COMMD1: variants seen among roughly 807,000 people sequenced by gnomAD.
The protein encoded by COMMD1 is COMM domain-containing protein 1.
In COMMD1, 10 loss-of-function variants were observed where a neutral mutation model predicts 17.2. The observed-to-expected ratio is 0.58, with a 90% CI of 0.36 to 0.99. The LOEUF is 0.99. COMMD1 is among the 50% of genes least tolerant of loss of function. COMMD1 has a pLI of 0.01. For synonymous variants in COMMD1, 97 were observed against 91.6 expected (o/e 1.06, Z -0.34); for missense variants, 270 against 231.8 (o/e 1.17, Z -1.07).
At chr2:62,133,549 G>GA (rs547044702) in intron 2 of COMMD1, among the ~76,000 whole-genome samples, 2,051 of 116,252 alleles carry the variant, frequency 0.018, 32 homozygotes, top group African/African-American at 0.055. Flanking sequence ...AAGCTTAACA[G>GA]AAAAAAAAAA....
rs192621083 is a variant in COMMD1 at position 61,959,559 on chromosome 2, G to A, written c.181-41142G>A. Among the ~76,000 whole-genome samples, 18 of 152,270 alleles carry A rather than the reference G, an allele frequency of 1.2e-4. No individual in the cohort carries two copies. In the East Asian group the frequency reaches 3.5e-3, roughly 29 times the overall value. ...TCCCCATTTTACAGATAAGTAAACT[G>A]AGACAGAAAAATTAAGCAACTTTTC... On this transcript the variant is annotated intron_variant, in intron 1 of 2. Coordinates refer to ENST00000311832, the MANE Select transcript of COMMD1 (RefSeq NM_152516.4).
chr2:61,975,756 C>G (rs1043741131), intron 1 of COMMD1, among the ~76,000 whole-genome samples: 5 of 152,080 alleles, frequency 3.3e-5, no homozygotes, highest in Admixed American at 6.6e-5. Context: ...TGTTTAATCT[C>G]CAAGTATTGT....
intron 1 of COMMD1, among the ~76,000 whole-genome samples, chr2:61,943,905 A>G (rs750406841): frequency 2.6e-5 from 4 of 152,176 alleles, no homozygotes; most frequent in Non-Finnish European, 5.9e-5. Flanking sequence ...ATAATTTTTT[A>G]AACTAATTTT....
intron 1 of COMMD1, among the ~76,000 whole-genome samples, chr2:61,940,691 C>CTT (rs557857376): frequency 2.1e-5 from 3 of 143,906 alleles, no homozygotes; most frequent in African/African-American, 2.5e-5. Context: ...GGGATGAATT[C>CTT]TTTTTTTTTT....
At chr2:62,015,203 G>C (rs925710093) in intron 2 of COMMD1, among the ~76,000 whole-genome samples, 1 of 152,046 alleles carries the variant, frequency 6.6e-6, no homozygotes, top group African/African-American at 2.4e-5. Flanking sequence ...TTCAGCCCCT[G>C]GTAACCTCTT....
At chr2:62,091,821 A>G (rs1202581629) in intron 2 of COMMD1, among the ~76,000 whole-genome samples, 6 of 152,102 alleles carry the variant, frequency 3.9e-5, no homozygotes, top group African/African-American at 1.2e-4. Context: ...CCCAATATCT[A>G]TTGTTATGCA....
At chr2:61,981,332 C>T (rs907167800) in intron 1 of COMMD1, among the ~76,000 whole-genome samples, 2 of 152,076 alleles carry the variant, frequency 1.3e-5, no homozygotes, top group African/African-American at 2.4e-5. Context: ...TTGTACATGG[C>T]GAGAGATAGG....
At chr2:62,019,961 ACATTCATCC>A (rs1457000768) in intron 2 of COMMD1, among the ~76,000 whole-genome samples, 1 of 152,194 alleles carries the variant, frequency 6.6e-6, no homozygotes, top group Non-Finnish European at 1.5e-5. Context: ...CAGATTATTT[ACATTCATCC>A]CACGTGCAGA....
chr2:62,063,156 G>GGAGATTA (rs1670917797), intron 2 of COMMD1, among the ~76,000 whole-genome samples: 1 of 152,156 alleles, frequency 6.6e-6, no homozygotes, highest in Admixed American at 6.5e-5. Flanking sequence ...GGCGGAGATT[G>GGAGATTA]CAGTGAGCCG....
rs576115124 is a variant in COMMD1 at position 61,959,229 on chromosome 2, CT to C, written c.181-41470del. ...CATTTGCGTATGTATGCATGGAAAT[CT>C]TGATATGTTATATAAAAATAATGAT... is the stretch of plus-strand genomic sequence containing the variant. On this transcript the variant is annotated intron_variant, in intron 1 of 2. Coordinates refer to ENST00000311832, the MANE Select transcript of COMMD1 (RefSeq NM_152516.4). 5.3e-4 allele frequency among the ~76,000 whole-genome samples: 81 copies of C among 152,020 alleles called. No individual in the cohort carries two copies. In the South Asian group the frequency reaches 0.016, roughly 29 times the overall value.
intron 2 of COMMD1, among the ~76,000 whole-genome samples, chr2:62,065,146 C>T (rs1464898858): frequency 6.6e-6 from 1 of 152,048 alleles, no homozygotes; most frequent in East Asian, 1.9e-4. Context: ...CACTGCACTC[C>T]AGCCTGGGTG....
intron 2 of COMMD1, among the ~76,000 whole-genome samples, chr2:62,115,847 TCTTTCTTTCTTTC>T (rs1558605706): frequency 2.7e-4 from 31 of 116,074 alleles, no homozygotes; most frequent in South Asian, 7.4e-4. Context: ...TTTCTTTCTT[TCTTTCTTTCTTTC>T]TTTTTTTTTT....
chr2:61,903,429 G>A (rs1669700638), upstream of COMMD1, among the ~76,000 whole-genome samples: 1 of 148,244 alleles, frequency 6.7e-6, no homozygotes, highest in Non-Finnish European at 1.5e-5. Flanking sequence ...GGGCAACAGA[G>A]TAAAACTTTG....
In COMMD1 at chr2:61,929,572, A is replaced by G. The variant is rs1572972180; in HGVS notation, c.180+23714A>G. Among the ~76,000 whole-genome samples the G allele has an allele frequency of 2.0e-5, 3 of 152,208 alleles. No individual in the cohort carries two copies. The South Asian group carries it at 6.2e-4, about 32-fold the overall frequency. ...TCTCTCCATCAAACCTAGCATAACA[A>G]TATTCAGGTTCAACTGTTTCTTCAG... On this transcript the variant is annotated intron_variant, in intron 1 of 2. Coordinates refer to ENST00000311832, the MANE Select transcript of COMMD1 (RefSeq NM_152516.4).
chr2:62,062,792 A>G (rs1174048157), intron 2 of COMMD1, among the ~76,000 whole-genome samples: 2 of 152,164 alleles, frequency 1.3e-5, no homozygotes, highest in Non-Finnish European at 2.9e-5. Flanking sequence ...ATGTTAGGCC[A>G]GACACAGTGG....
chr2:62,126,518 G>C (rs984304223), intron 2 of COMMD1, among the ~76,000 whole-genome samples: 18 of 152,308 alleles, frequency 1.2e-4, no homozygotes, highest in African/African-American at 4.3e-4. Flanking sequence ...TTTCTCTAAT[G>C]ATCAGTGACA....
intron 2 of COMMD1, chr2:62,079,636 G>A (rs1244208475): frequency 6.6e-6 from 1 of 152,186 alleles, no homozygotes; most frequent in Non-Finnish European, 1.5e-5. Flanking sequence ...TCAGATGGTT[G>A]GAGAGGTGTT....
intron 2 of COMMD1, among the ~76,000 whole-genome samples, chr2:62,022,470 T>TA (rs1280272423): frequency 2.7e-5 from 4 of 149,546 alleles, no homozygotes; most frequent in South Asian, 2.1e-4. Context: ...TTTTTTTTTT[T>TA]ACATGAAGCC....
At chr2:61,936,884 C>T (rs1197711900) in intron 1 of COMMD1, among the ~76,000 whole-genome samples, 1 of 152,176 alleles carries the variant, frequency 6.6e-6, no homozygotes, top group Non-Finnish European at 1.5e-5. Flanking sequence ...GTCCTGATGA[C>T]ATGTGCCCAG....
Sources: gnomAD v4.1 joint callset for allele counts (sites outside exome capture counted in the v4.1 genomes callset) on GRCh38, gnomAD v4.1.1 for gene constraint, MANE v1.5 for transcripts, NCBI Gene and HGNC (gene_info 2026-07-23, HGNC 2026-07-21) for gene names.